The following CAMTA1 variants were observed in gnomAD, a reference collection of about 807,000 sequenced individuals.
CAMTA1 encodes calmodulin-binding transcription activator 1.
In CAMTA1, 27 loss-of-function variants were observed where a neutral mutation model predicts 170.9. The ratio of observed to expected loss-of-function variants is 0.16; its 90% CI spans 0.12 to 0.22. CAMTA1 has a LOEUF of 0.22. Ranked by LOEUF, CAMTA1 falls within the 10% of genes least tolerant of loss-of-function variation. CAMTA1 has a pLI of 1.00. For synonymous variants in CAMTA1, 833 were observed against 891.5 expected (o/e 0.93, Z 1.17); for missense variants, 1,619 against 2,217.2 (o/e 0.73, Z 5.42).
intron 11 of CAMTA1, among the ~76,000 whole-genome samples, chr1:7,702,405 T>G (rs1438413103): frequency 1.3e-5 from 2 of 152,088 alleles, no homozygotes; most frequent in Non-Finnish European, 2.9e-5. Flanking sequence ...GACTGAAGAT[T>G]CCTTCTCTTT....
chr1:7,552,194 C>CGT (rs2094812559), intron 6 of CAMTA1, among the ~76,000 whole-genome samples: 1 of 152,210 alleles, frequency 6.6e-6, no homozygotes, highest in African/African-American at 2.4e-5. Flanking sequence ...CCACCACACC[C>CGT]CCCCAGTGCC....
At chr1:7,418,524 C>T (rs1156270721) in intron 5 of CAMTA1, among the ~76,000 whole-genome samples, 2 of 152,172 alleles carry the variant, frequency 1.3e-5, no homozygotes, top group Non-Finnish European at 1.5e-5. Flanking sequence ...ATGACCTCCT[C>T]TTGTCCCCAG....
chr1:7,314,819 C>T (rs1190037147), intron 5 of CAMTA1, among the ~76,000 whole-genome samples: 1 of 152,192 alleles, frequency 6.6e-6, no homozygotes, highest in East Asian at 1.9e-4. Flanking sequence ...GGTACACCAC[C>T]CCTAAGGCCT....
At chr1:7,715,133 A>G (rs1234756169) in intron 11 of CAMTA1, among the ~76,000 whole-genome samples, 1 of 152,114 alleles carries the variant, frequency 6.6e-6, no homozygotes, top group Non-Finnish European at 1.5e-5. Context: ...CAGGATTGTT[A>G]CCAGTTAAGT....
intron 5 of CAMTA1, among the ~76,000 whole-genome samples, chr1:7,412,344 A>G (rs1207428200): frequency 1.3e-5 from 2 of 151,788 alleles, no homozygotes; most frequent in African/African-American, 4.8e-5. Context: ...ACTGACTTCC[A>G]CAATGGTTGA....
At chr1:7,152,910 A>G (rs1404750792) in intron 4 of CAMTA1, among the ~76,000 whole-genome samples, 1 of 152,128 alleles carries the variant, frequency 6.6e-6, no homozygotes, top group Non-Finnish European at 1.5e-5. Flanking sequence ...TTTGATAAGA[A>G]CCGTTTTGCT....
At chr1:7,301,012 G>T (rs950136465) in intron 5 of CAMTA1, among the ~76,000 whole-genome samples, 12 of 152,108 alleles carry the variant, frequency 7.9e-5, no homozygotes, top group South Asian at 2.1e-4. Context: ...ATGCAAGTCG[G>T]TATTAAATGC....
At chr1:7,420,935 C>T (rs2091520686) in intron 5 of CAMTA1, among the ~76,000 whole-genome samples, 1 of 152,142 alleles carries the variant, frequency 6.6e-6, no homozygotes, top group African/African-American at 2.4e-5. Context: ...TCTCTGGGAT[C>T]CTGAGATTTG....
chr1:7,513,484 G>A (rs916406526), intron 6 of CAMTA1, among the ~76,000 whole-genome samples: 21 of 152,140 alleles, frequency 1.4e-4, no homozygotes, highest in Admixed American at 9.2e-4. Context: ...GGTTCCTTCC[G>A]AGGCTGGAAG....
chr1:7,253,576 A>T (rs1317930351), intron 5 of CAMTA1, among the ~76,000 whole-genome samples: 1 of 152,178 alleles, frequency 6.6e-6, no homozygotes, highest in Non-Finnish European at 1.5e-5. Flanking sequence ...TTTCCTATAT[A>T]CCAGGTATAT....
chr1:7,010,891 G>A lies in CAMTA1; in HGVS notation c.235-80413G>A, dbSNP rs1699679288. ...TATCAGGCACCTGGGACCTAAGCAG[G>A]TGCCCTAACCAGCAGCAGCTGAGCA... On this transcript the variant is annotated intron_variant, in intron 3 of 22. Coordinates refer to ENST00000303635, the MANE Select transcript of CAMTA1 (RefSeq NM_015215.4). This position sits in a 1 kb window ranked among gnomAD's most constrained non-coding sequence, Gnocchi z 4.4. 6.6e-6 allele frequency among the ~76,000 whole-genome samples: 1 copy of A among 152,190 alleles called. No individual in the cohort carries two copies. The highest frequency in any genetic ancestry group is 2.4e-5 in the African/African-American group (1 of 41,446).
chr1:7,348,862 GA>G (rs1419015648), intron 5 of CAMTA1, among the ~76,000 whole-genome samples: 5 of 152,220 alleles, frequency 3.3e-5, no homozygotes, highest in Non-Finnish European at 7.3e-5. Flanking sequence ...GTCTGTGATT[GA>G]GGAAAGATTT....
At chr1:6,885,763 A>G (rs1288710307) in intron 3 of CAMTA1, among the ~76,000 whole-genome samples, 2 of 152,160 alleles carry the variant, frequency 1.3e-5, no homozygotes, top group African/African-American at 4.8e-5. Context: ...ATGAAGTGCA[A>G]CATGCCCCAC....
rs2095753830 is a variant in CAMTA1, at chr1:7,640,679, C to G, written c.664+126C>G. Reference sequence around the variant, plus strand: ...CCGGAGCCCCATCTTGCTGGAATGACAGTGGCACCGTGAGCTTAGCTTTTG... The same window carrying G: ...CCGGAGCCCCATCTTGCTGGAATGAGAGTGGCACCGTGAGCTTAGCTTTTG... On this transcript the variant is annotated intron_variant, in intron 7 of 22. Coordinates refer to ENST00000303635, the MANE Select transcript of CAMTA1 (RefSeq NM_015215.4). 3 of 1,105,204 alleles carry G rather than the reference C, an allele frequency of 2.7e-6. No homozygotes were observed. In the African/African-American group the frequency reaches 4.6e-5, roughly 17 times the overall value. 68.5% of individuals were successfully genotyped at this position (1,105,204 alleles called of 1,614,324 possible).
intron 1 of CAMTA1, among the ~76,000 whole-genome samples, chr1:6,793,100 T>C (rs5021612): frequency 0.19 from 28,868 of 151,854 alleles, 2,821 homozygotes; most frequent in East Asian, 0.29. Flanking sequence ...CTCCCCTACC[T>C]GCAAATCCCA....
intron 6 of CAMTA1, among the ~76,000 whole-genome samples, chr1:7,526,348 C>T (rs909426700): frequency 6.6e-6 from 1 of 152,130 alleles, no homozygotes; most frequent in Non-Finnish European, 1.5e-5. Flanking sequence ...AGGCCCACCT[C>T]TGCTTCTCCT....
At chr1:7,204,292 T>G (rs1476670627) in intron 4 of CAMTA1, among the ~76,000 whole-genome samples, 4 of 152,172 alleles carry the variant, frequency 2.6e-5, no homozygotes, top group African/African-American at 9.7e-5. Context: ...TTTCTTAGTT[T>G]TTTCTGAGTT....
rs559133488 is a variant in CAMTA1, at chr1:7,201,169, T to C, written c.303-48322T>C. Among the ~76,000 whole-genome samples the C allele has an allele frequency of 4.4e-4, 67 of 152,356 alleles. 3 individuals are homozygous for C. In the South Asian group the frequency reaches 0.011, roughly 24 times the overall value. On this transcript the variant is annotated intron_variant, in intron 4 of 22. Coordinates refer to ENST00000303635, the MANE Select transcript of CAMTA1 (RefSeq NM_015215.4). ...CGTATAATATGTGGCCTTTGGTAAC[T>C]GTCTTCTTTCATTTAGCATCATGTT...
chr1:7,744,607 G>A (rs926868752), intron 16 of CAMTA1, among the ~76,000 whole-genome samples: 1 of 152,188 alleles, frequency 6.6e-6, no homozygotes, highest in African/African-American at 2.4e-5. Context: ...CTGGACTAAA[G>A]GTTTGGGGCC....
Sources: allele counts gnomAD v4.1 joint callset (sites outside exome capture counted in the v4.1 genomes callset), GRCh38; gene constraint gnomAD v4.1.1; non-coding constraint Gnocchi (gnomAD v3.1); transcripts MANE v1.5; gene names NCBI Gene and HGNC (gene_info 2026-07-23, HGNC 2026-07-21).